WDR55: variants seen among roughly 807,000 people sequenced by gnomAD.
The protein encoded by WDR55 is WD repeat domain 55.
Under a neutral mutation model 34.0 loss-of-function variants are expected in WDR55, and 31 were observed. The observed-to-expected ratio is 0.91, with a 90% CI of 0.69 to 1.23. The LOEUF is 1.23. WDR55 is among the 50% of genes most tolerant of loss of function. WDR55 has a pLI of 0.00. For synonymous variants in WDR55, 164 were observed against 185.9 expected (o/e 0.88, Z 0.96); for missense variants, 440 against 494.6 (o/e 0.89, Z 1.05).
Position 140,668,296 on chromosome 5 carries a change from A to G in WDR55, c.254A>G (p.Lys85Arg). 1.2e-6 allele frequency: 2 copies of G among 1,614,136 alleles called. No individual in the cohort carries two copies. Among genetic ancestry groups the G allele is most frequent in the Non-Finnish European group, 1.7e-6 (2 of 1,180,008 alleles). Reference sequence around the variant, plus strand: ...CTCTGGTCATCAGGTCACCATCTCAAGGCCTGCCGAGCTGTGGCCTTCTCT... The same window carrying G: ...CTCTGGTCATCAGGTCACCATCTCAGGGCCTGCCGAGCTGTGGCCTTCTCT... ...KELWSSGHHL[K>R]ACRAVAFSED... The change falls in exon 2 of 7, where the codon AAG becomes AGG. Residue 85 changes from lysine to arginine, a missense_variant. Transcript: ENST00000358337.
In WDR55 at chr5:140,669,332, G is replaced by A. The variant is rs377687896; in HGVS notation, c.831-1G>A. Reference sequence around the variant, plus strand: ...CTCAACACTGTTCTTTCCCTGCCCAGGGCTGTGAACATCCTACCGAACCGA... The same window carrying A: ...CTCAACACTGTTCTTTCCCTGCCCAAGGCTGTGAACATCCTACCGAACCGA... On this transcript the variant is annotated splice_acceptor_variant, in intron 6 of 6. Transcript: ENST00000358337. LOFTEE classifies it high-confidence loss of function. 1.7e-4 allele frequency: 277 copies of A among 1,610,472 alleles called. No individual in the cohort carries two copies. The highest frequency in any genetic ancestry group is 2.3e-4 in the Non-Finnish European group (274 of 1,177,236).
At chr5:140,667,974 G>T in intron 1 of WDR55, 1 of 315,568 alleles carries the variant, frequency 3.2e-6, no homozygotes, top group Non-Finnish European at 5.8e-6. Context: ...GGCTTTCAAA[G>T]ATGATAAAGA....
Position 140,671,827 on chromosome 5 carries a change from ACACAG to A in WDR55, c.*2174_*2178del, listed in dbSNP as rs1561992969. On this transcript the variant is annotated 3_prime_UTR_variant, in exon 7 of 7. Transcript: ENST00000358337. The stretch of plus-strand genomic sequence containing the variant: ...TCCAGGTGGTGAGCCCTTTGGAGCT[ACACAG>A]TCCTGTTATTTGTAGCCTTCCCATT... 4.8e-6 allele frequency: 7 copies of A among 1,458,060 alleles called. No individual in the cohort carries two copies. The highest frequency in any genetic ancestry group is 6.6e-6 in the Non-Finnish European group (7 of 1,062,926). 90.3% of individuals were successfully genotyped at this position (1,458,060 alleles called of 1,614,324 possible).
chr5:140,671,724 C>A lies in WDR55; in HGVS notation c.*2070C>A, dbSNP rs1758080173. The A allele has an allele frequency of 6.3e-7, 1 of 1,579,212 alleles. No homozygotes were observed. Among genetic ancestry groups the A allele is most frequent in the Non-Finnish European group, 8.6e-7 (1 of 1,162,090 alleles). On this transcript the variant is annotated 3_prime_UTR_variant, in exon 7 of 7. Transcript: ENST00000358337. ...TCTGGCTTGAGCCACTCCACAGCCA[C>A]CTGCTCTCCACAGAGGTGTGACTGC... is the stretch of plus-strand genomic sequence containing the variant.
At position 140,667,256 on chromosome 5, in the gene WDR55, C is replaced by T. The variant is rs191538023; in HGVS notation, c.192-978C>T. On this transcript the variant is annotated intron_variant, in intron 1 of 6. Transcript: ENST00000358337. ...GTTCTGGAGGAAAATTCTTGGTTCTCCCCTTCCCCACCCTCAGCCATGACT... is the reference window on the plus strand; with the variant it reads ...GTTCTGGAGGAAAATTCTTGGTTCTTCCCTTCCCCACCCTCAGCCATGACT... 7.1e-5 allele frequency: 42 copies of T among 587,424 alleles called. No individual in the cohort carries two copies. In the East Asian group the frequency reaches 6.0e-3, roughly 84 times the overall value. 36.4% of individuals were successfully genotyped at this position (587,424 alleles called of 1,614,324 possible).
chr5:140,672,012 A>C lies in WDR55; in HGVS notation c.*2358A>C. 3 of 587,492 alleles carry C rather than the reference A, an allele frequency of 5.1e-6. No homozygotes were observed. Among genetic ancestry groups the C allele is most frequent in the Non-Finnish European group, 9.1e-6 (3 of 330,530 alleles). The allele number at this position is 587,492 out of a possible 1,614,324, so 36.4% of individuals were successfully genotyped here. On this transcript the variant is annotated 3_prime_UTR_variant, in exon 7 of 7. Coordinates refer to ENST00000358337, the MANE Select transcript of WDR55 (RefSeq NM_017706.5). ...CTGCCTCATAACCATCATAATGGCT[A>C]ATCTTTACTGGGAAAACTTGCTGTA...
At position 140,672,086 on chromosome 5, in the gene WDR55, T is replaced by C; in HGVS notation, c.*2432T>C. The C allele has an allele frequency of 1.8e-6, 1 of 544,288 alleles. No individual in the cohort carries two copies. The highest frequency in any genetic ancestry group is 2.1e-5 in the South Asian group (1 of 46,860). The allele number at this position is 544,288 out of a possible 1,614,324, so 33.7% of individuals were successfully genotyped here. A position where few individuals can be genotyped will look rare whatever the true frequency, so the allele number is the denominator to read the frequency against. ...GTACACCCATTATGTTACTTAATTC[T>C]CATAACAGTCTGAGGAAACAGATTC... On this transcript the variant is annotated 3_prime_UTR_variant, in exon 7 of 7. Transcript: ENST00000358337.
In WDR55 at chr5:140,671,004, G is replaced by A; in HGVS notation, c.*1350G>A. 1 of 526,546 alleles carries A rather than the reference G, an allele frequency of 1.9e-6. No individual in the cohort carries two copies. The allele number at this position is 526,546 out of a possible 1,614,324, so 32.6% of individuals were successfully genotyped here. Reference sequence around the variant, plus strand: ...TCATGCTAAGCTGTGGCAGAGGGGGGAAGGTATGATCGGGTGGGGGTGGGA... The same window carrying A: ...TCATGCTAAGCTGTGGCAGAGGGGGAAAGGTATGATCGGGTGGGGGTGGGA... On this transcript the variant is annotated 3_prime_UTR_variant, in exon 7 of 7. Coordinates refer to ENST00000358337, the MANE Select transcript of WDR55 (RefSeq NM_017706.5).
chr5:140,668,690 G>A lies in WDR55; in HGVS notation c.459G>A (p.Trp153Ter). The A allele has an allele frequency of 6.2e-7, 1 of 1,614,142 alleles. No homozygotes were observed. Among genetic ancestry groups the A allele is most frequent in the Non-Finnish European group, 8.5e-7 (1 of 1,180,016 alleles). Residue 153 changes from tryptophan (W) to a stop codon, truncating the protein, a stop_gained, in exon 4 of 7, where the codon TGG becomes TGA. Transcript: ENST00000358337. LOFTEE classifies it high-confidence loss of function. ...TGDDTGGICL[W>*]DQRKEGPLMD... ...ATGACACAGGTGGTATCTGTCTCTG[G>A]GACCAGCGGAAGGAGGGCCCCTTAA...
At chr5:140,665,608 C>A (rs1056390169) in intron 1 of WDR55, among the ~76,000 whole-genome samples, 1 of 152,144 alleles carries the variant, frequency 6.6e-6, no homozygotes, top group Non-Finnish European at 1.5e-5. Context: ...ATCCACCTGC[C>A]TTCCTCCCAG....
Position 140,670,734 on chromosome 5 carries a change from G to A in WDR55, c.*1080G>A, listed in dbSNP as rs1308175994. ...GTGAGGAAGTACTTGCCCCGTAGCA[G>A]CTATTCACTCTACCAGTGTAAACAA... On this transcript the variant is annotated 3_prime_UTR_variant, in exon 7 of 7. Transcript: ENST00000358337. The A allele has an allele frequency of 4.1e-5, 7 of 172,504 alleles. No homozygotes were observed. The highest frequency in any genetic ancestry group is 1.7e-4 in the African/African-American group (7 of 41,844). The allele number at this position is 172,504 out of a possible 1,614,324, so 10.7% of individuals were successfully genotyped here.
At chr5:140,667,051 T>G in intron 1 of WDR55, 3 of 985,460 alleles carry the variant, frequency 3.0e-6, no homozygotes, top group Non-Finnish European at 3.6e-6. Context: ...AAGGGGGAAT[T>G]ATACCTACCC....
chr5:140,668,098 TA>T (rs1186391745), intron 1 of WDR55, 135 bp from the exon 2 acceptor site: 3 of 956,320 alleles, frequency 3.1e-6, no homozygotes, highest in South Asian at 4.4e-5. Flanking sequence ...AATGAGATGG[TA>T]AACTTTTTGG....
intron 1 of WDR55, chr5:140,667,494 A>C (rs1757953438): frequency 6.6e-6 from 1 of 152,168 alleles, no homozygotes; most frequent in African/African-American, 2.4e-5. Context: ...CCCACATGTC[A>C]CCACCTTAGC....
chr5:140,669,349 C>T lies in WDR55; in HGVS notation c.847C>T (p.Pro283Ser). Residue 283 changes from proline (P) to serine (S), a missense_variant, in exon 7 of 7, where the codon CCG becomes TCG. Physicochemically the swap from Pro to Ser is moderately conservative, Grantham distance 74. Transcript: ENST00000358337. ...DGVIRAVNIL[P>S]NRVVGSVGQH... ...CCTGCCCAGGGCTGTGAACATCCTA[C>T]CGAACCGAGTGGTGGGCAGTGTGGG... 6.2e-7 allele frequency: 1 copy of T among 1,611,344 alleles called. No homozygotes were observed. Among genetic ancestry groups the T allele is most frequent in the Non-Finnish European group, 8.5e-7 (1 of 1,177,894 alleles).
rs1334979044 is a variant in WDR55, at chr5:140,671,676, G to C, written c.*2022G>C. On this transcript the variant is annotated 3_prime_UTR_variant, in exon 7 of 7. Coordinates refer to ENST00000358337, the MANE Select transcript of WDR55 (RefSeq NM_017706.5). ...GACCGCAAGAAGGGACCCACAAGCTGCTGGCGAAGTCGCTGCTTCAGGTCT... is the reference window on the plus strand; with the variant it reads ...GACCGCAAGAAGGGACCCACAAGCTCCTGGCGAAGTCGCTGCTTCAGGTCT... The C allele has an allele frequency of 6.3e-7, 1 of 1,584,088 alleles. No homozygotes were observed. Among genetic ancestry groups the C allele is most frequent in the African/African-American group, 1.3e-5 (1 of 74,552 alleles).
Position 140,669,837 on chromosome 5 carries a change from T to C in WDR55, c.*183T>C. 1 of 641,052 alleles carries C rather than the reference T, an allele frequency of 1.6e-6. No individual in the cohort carries two copies. The allele number at this position is 641,052 out of a possible 1,614,324, so 39.7% of individuals were successfully genotyped here. A position where few individuals can be genotyped will look rare whatever the true frequency, so the allele number is the denominator to read the frequency against. On this transcript the variant is annotated 3_prime_UTR_variant, in exon 7 of 7. Coordinates refer to ENST00000358337, the MANE Select transcript of WDR55 (RefSeq NM_017706.5). The stretch of plus-strand genomic sequence containing the variant: ...CAATGTCCCCAGGCTCAGATTGTCC[T>C]TCCACCTTAGCCTCTGGAGCAGCTG...
intron 2 of WDR55, 30 bp from the exon 3 acceptor site, chr5:140,668,385 A>G (rs1199662639): frequency 6.2e-7 from 1 of 1,614,246 alleles, no homozygotes; most frequent in Admixed American, 1.7e-5. Context: ...AGCAGTGAGC[A>G]GCACCATGAC....
In WDR55 at chr5:140,671,957, G is replaced by C; in HGVS notation, c.*2303G>C. The stretch of plus-strand genomic sequence containing the variant: ...ACACTGCTACCTTACAAGTTTCCTT[G>C]GAGAAGTACTGGTTAATTGCAGGCT... On this transcript the variant is annotated 3_prime_UTR_variant, in exon 7 of 7. Coordinates refer to ENST00000358337, the MANE Select transcript of WDR55 (RefSeq NM_017706.5). The C allele has an allele frequency of 1.6e-6, 1 of 628,960 alleles. No individual in the cohort carries two copies. The allele number at this position is 628,960 out of a possible 1,614,324, so 39.0% of individuals were successfully genotyped here. A position where few individuals can be genotyped will look rare whatever the true frequency, so the allele number is the denominator to read the frequency against.
Sources: gnomAD v4.1 joint callset for allele counts (sites outside exome capture counted in the v4.1 genomes callset) on GRCh38, gnomAD v4.1.1 for gene constraint, MANE v1.5 for transcripts, NCBI Gene and HGNC (gene_info 2026-07-23, HGNC 2026-07-21) for gene names.